NFIB: variants seen among roughly 807,000 people sequenced by gnomAD.
NFIB encodes nuclear factor 1 B-type.
NFIB carries 11 observed loss-of-function variants against 61.5 expected under a neutral mutation model. The observed-to-expected ratio is 0.18, with a 90% CI of 0.11 to 0.30. The LOEUF is 0.30. Ranked by LOEUF, NFIB falls within the 10% of genes least tolerant of loss-of-function variation. The pLI, the probability that NFIB is intolerant of heterozygous loss-of-function variation, is 1.00. For synonymous variants in NFIB, 260 were observed against 216.5 expected (o/e 1.20, Z -1.76); for missense variants, 471 against 608.9 (o/e 0.77, Z 2.38).
the NFIB span, among the ~76,000 whole-genome samples, chr9:14,492,708 A>T: frequency 6.6e-6 from 1 of 152,190 alleles, no homozygotes; most frequent in African/African-American, 2.4e-5. Flanking sequence ...ATCACCTCCC[A>T]CCAGGCCCCC....
In NFIB at chr9:14,124,287, C is replaced by T. The variant is rs151337931; in HGVS notation, c.1060+1345G>A. 5.1e-3 allele frequency among the ~76,000 whole-genome samples: 782 copies of T among 152,178 alleles called. 7 individuals carry two copies. The highest frequency in any genetic ancestry group is 0.016 in the African/African-American group (681 of 41,500). On this transcript the variant is annotated intron_variant, in intron 7 of 10. Transcript: ENST00000380953. ...GATTTGACTTCTCAGTTAATTCTGTCCAAATATTCAACATTACAAACCTAT... is the reference window on the plus strand; with the variant it reads ...GATTTGACTTCTCAGTTAATTCTGTTCAAATATTCAACATTACAAACCTAT...
the NFIB span, among the ~76,000 whole-genome samples, chr9:14,527,154 T>G: frequency 6.6e-6 from 1 of 151,784 alleles, no homozygotes; most frequent in African/African-American, 2.4e-5. Flanking sequence ...GTACCACAAA[T>G]GAAAATGCAA....
At chr9:14,374,659 C>T (rs1332897600) in intron 1 of NFIB, among the ~76,000 whole-genome samples, 1 of 152,188 alleles carries the variant, frequency 6.6e-6, no homozygotes, top group Non-Finnish European at 1.5e-5. Context: ...CCTGTAGTCC[C>T]AGCACTTTGT....
In NFIB at chr9:14,085,578, G is replaced by A. The variant is rs1238199540; in HGVS notation, c.*2731C>T. ...TCTGCTCTGGTTCTCAGTTTTAAAA[G>A]GGGAGATAAAATGAAAACAGGATTT... On this transcript the variant is annotated 3_prime_UTR_variant, in exon 11 of 11. Coordinates refer to ENST00000380953, the MANE Select transcript of NFIB (RefSeq NM_001190737.2). 11 of 221,236 alleles carry A rather than the reference G, an allele frequency of 5.0e-5. No individual in the cohort carries two copies. The highest frequency in any genetic ancestry group is 4.6e-4 in the Admixed American group (8 of 17,382). The allele number at this position is 221,236 out of a possible 1,614,324, so 13.7% of individuals were successfully genotyped here. A position where few individuals can be genotyped will look rare whatever the true frequency, so the allele number is the denominator to read the frequency against.
chr9:14,127,647 G>C (rs1034562608), intron 6 of NFIB, among the ~76,000 whole-genome samples: 2 of 152,022 alleles, frequency 1.3e-5, no homozygotes, highest in African/African-American at 4.8e-5. Flanking sequence ...CTTGAAATTA[G>C]AAAAAGACCT....
the NFIB span, among the ~76,000 whole-genome samples, chr9:14,498,550 C>G: frequency 6.6e-6 from 1 of 152,192 alleles, no homozygotes; most frequent in Non-Finnish European, 1.5e-5. Context: ...AACAACATCA[C>G]ATGAGGAGAA....
chr9:14,387,857 T>C (rs1194279892), intron 1 of NFIB, among the ~76,000 whole-genome samples: 1 of 152,194 alleles, frequency 6.6e-6, no homozygotes, highest in Non-Finnish European at 1.5e-5. Flanking sequence ...TAGAGAAAGA[T>C]AATACTCATA....
chr9:14,478,028 T>G, the NFIB span, among the ~76,000 whole-genome samples: 3 of 152,146 alleles, frequency 2.0e-5, no homozygotes, highest in Admixed American at 6.5e-5. Flanking sequence ...TTTCAAAGAT[T>G]TGATGTGCTT....
At chr9:14,388,181 G>T (rs2061571761) in intron 1 of NFIB, among the ~76,000 whole-genome samples, 1 of 152,086 alleles carries the variant, frequency 6.6e-6, no homozygotes, top group Non-Finnish European at 1.5e-5. Flanking sequence ...TGAATTACAA[G>T]GATGAGTTGC....
chr9:14,136,810 G>C (rs2041098638), intron 6 of NFIB, among the ~76,000 whole-genome samples: 1 of 152,038 alleles, frequency 6.6e-6, no homozygotes, highest in South Asian at 2.1e-4. Context: ...AAATTTTAAG[G>C]TCATCAGTTC....
chr9:14,157,192 T>G (rs1001145444), intron 3 of NFIB, among the ~76,000 whole-genome samples: 7 of 152,196 alleles, frequency 4.6e-5, no homozygotes, highest in African/African-American at 1.7e-4. Flanking sequence ...TTAGGGCCAG[T>G]GGAACCTGCG....
At chr9:14,421,139 A>G in the NFIB span, among the ~76,000 whole-genome samples, 1 of 151,266 alleles carries the variant, frequency 6.6e-6, no homozygotes, top group Admixed American at 6.6e-5. Flanking sequence ...GCATTCATAA[A>G]GAGACAAGCC....
chr9:14,231,028 T>G (rs2053068686), intron 2 of NFIB, among the ~76,000 whole-genome samples: 1 of 149,464 alleles, frequency 6.7e-6, no homozygotes, highest in African/African-American at 2.5e-5. Context: ...CAAGCTGTAG[T>G]GGCAGAGCTG....
chr9:14,498,100 T>C, the NFIB span, among the ~76,000 whole-genome samples: 1 of 152,218 alleles, frequency 6.6e-6, no homozygotes. Flanking sequence ...AGATCTATTA[T>C]GTTCATTTTA....
At chr9:14,498,823 C>A in the NFIB span, among the ~76,000 whole-genome samples, 1 of 89,588 alleles carries the variant, frequency 1.1e-5, no homozygotes, top group Non-Finnish European at 2.1e-5. Context: ...CCCTTCCTCC[C>A]TTCCTCCCTT....
chr9:14,380,134 T>A (rs996069229), intron 1 of NFIB, among the ~76,000 whole-genome samples: 2 of 152,188 alleles, frequency 1.3e-5, no homozygotes, highest in Non-Finnish European at 1.5e-5. Context: ...ATCCAATAAA[T>A]AGACTCACCT....
At chr9:14,116,370 G>A (rs1359452824) in intron 8 of NFIB, 24 bp from the exon 9 acceptor site, 32 of 1,470,036 alleles carry the variant, frequency 2.2e-5, no homozygotes, top group Admixed American at 7.1e-5. Flanking sequence ...ACAGAATGCC[G>A]GGTGAAGCAA....
At chr9:14,142,397 C>G (rs2041839314) in intron 6 of NFIB, among the ~76,000 whole-genome samples, 1 of 152,152 alleles carries the variant, frequency 6.6e-6, no homozygotes. Flanking sequence ...GCCTACCCAG[C>G]CAATAAACCT....
upstream of NFIB, among the ~76,000 whole-genome samples, chr9:14,318,793 A>C (rs1027365057): frequency 6.6e-6 from 1 of 152,100 alleles, no homozygotes; most frequent in African/African-American, 2.4e-5. Context: ...CCACTCATAA[A>C]TGCATATATA....
Sources: gnomAD v4.1 joint callset for allele counts (sites outside exome capture counted in the v4.1 genomes callset) on GRCh38, gnomAD v4.1.1 for gene constraint, MANE v1.5 for transcripts, NCBI Gene and HGNC (gene_info 2026-07-23, HGNC 2026-07-21) for gene names.